The following CNTN6 variants were observed in gnomAD, a reference collection of about 807,000 sequenced individuals.
CNTN6 encodes contactin 6, also known as contactin-6.
Under a neutral mutation model 122.8 loss-of-function variants are expected in CNTN6, and 137 were observed. The observed-to-expected ratio is 1.12, with a 90% CI of 0.97 to 1.29. The LOEUF is 1.29. Among genes scored for constraint, CNTN6 ranks in the 50% most tolerant of loss-of-function variants. The pLI is 0.00. For synonymous variants in CNTN6, 570 were observed against 426.0 expected, an observed-to-expected ratio of 1.34 and a Z score of -4.16; for missense variants, 1,634 against 1,223.4, an observed-to-expected ratio of 1.34 and a Z score of -5.01.
chr3:1,266,049 G>T (rs920635892), intron 4 of CNTN6, among the ~76,000 whole-genome samples: 1 of 151,160 alleles, frequency 6.6e-6, no homozygotes, highest in African/African-American at 2.4e-5. Context: ...ACCTAAGTGC[G>T]TCACCCATAC....
chr3:1,156,880 G>C (rs1338302339), intron 2 of CNTN6, among the ~76,000 whole-genome samples: 2 of 151,970 alleles, frequency 1.3e-5, no homozygotes, highest in African/African-American at 2.4e-5. Context: ...ATCGTGCCTG[G>C]CTAATTTTTT....
chr3:1,301,188 C>T (rs1038500453), intron 7 of CNTN6, among the ~76,000 whole-genome samples: 6 of 151,950 alleles, frequency 3.9e-5, no homozygotes, highest in Non-Finnish European at 7.4e-5. Context: ...AGGCACCTGC[C>T]ACCACACCCA....
chr3:1,135,083 C>G (rs1482388389), intron 1 of CNTN6, among the ~76,000 whole-genome samples: 1 of 152,142 alleles, frequency 6.6e-6, no homozygotes, highest in East Asian at 1.9e-4. Flanking sequence ...ATAACCCACC[C>G]ACAACGAAGT....
At chr3:1,180,391 G>T (rs927740634) in intron 2 of CNTN6, among the ~76,000 whole-genome samples, 1 of 152,152 alleles carries the variant, frequency 6.6e-6, no homozygotes, top group Admixed American at 6.5e-5. Context: ...GACATAATTT[G>T]CTGAATGACA....
At chr3:1,276,909 A>C (rs1692472976) in intron 4 of CNTN6, among the ~76,000 whole-genome samples, 1 of 152,206 alleles carries the variant, frequency 6.6e-6, no homozygotes, top group Admixed American at 6.5e-5. Context: ...TTTTGCATTC[A>C]GCAAGTGGCT....
intron 2 of CNTN6, among the ~76,000 whole-genome samples, chr3:1,173,680 A>T (rs1386022110): frequency 1.7e-4 from 26 of 152,162 alleles, no homozygotes; most frequent in Admixed American, 1.7e-3. Context: ...GGCGGTTGAC[A>T]AAATGAATGC....
At chr3:1,370,287 G>T (rs1708828947) in intron 12 of CNTN6, among the ~76,000 whole-genome samples, 1 of 151,704 alleles carries the variant, frequency 6.6e-6, no homozygotes, top group Non-Finnish European at 1.5e-5. Flanking sequence ...CACAACGTGG[G>T]AATTGAACAA....
intron 4 of CNTN6, among the ~76,000 whole-genome samples, chr3:1,256,611 A>G (rs1301121583): frequency 6.6e-6 from 1 of 152,144 alleles, no homozygotes; most frequent in Non-Finnish European, 1.5e-5. Flanking sequence ...TGTTACTTGA[A>G]GCCTTGGGAG....
At chr3:1,286,427 T>C (rs1419405545) in intron 5 of CNTN6, among the ~76,000 whole-genome samples, 1 of 152,128 alleles carries the variant, frequency 6.6e-6, no homozygotes, top group Non-Finnish European at 1.5e-5. Flanking sequence ...AACTCTCACT[T>C]ATGAGTGAAA....
At chr3:1,327,607 C>A in intron 10 of CNTN6, 21 bp downstream of exon 10, 2 of 1,603,166 alleles carry the variant, frequency 1.2e-6, no homozygotes, top group South Asian at 1.1e-5. Context: ...TATTTACAAC[C>A]AACAAATTCA....
chr3:1,153,320 A>G (rs2092890077), intron 2 of CNTN6, among the ~76,000 whole-genome samples: 3 of 152,334 alleles, frequency 2.0e-5, no homozygotes, highest in South Asian at 4.1e-4. Flanking sequence ...TTATGCCAAC[A>G]GGGCCTAATG....
chr3:1,386,346 C>A (rs758224341), intron 20 of CNTN6, among the ~76,000 whole-genome samples: 2 of 152,100 alleles, frequency 1.3e-5, no homozygotes, highest in South Asian at 2.1e-4. Context: ...TTTTAGGATA[C>A]CTTATTACTA....
chr3:1,128,644 G>C (rs910405869), intron 1 of CNTN6, among the ~76,000 whole-genome samples: 1 of 151,948 alleles, frequency 6.6e-6, no homozygotes, highest in Non-Finnish European at 1.5e-5. Flanking sequence ...AGCTGTGCTG[G>C]TTTTAGAGAA....
At chr3:1,217,991 G>A (rs1306715173) in intron 2 of CNTN6, among the ~76,000 whole-genome samples, 1 of 152,114 alleles carries the variant, frequency 6.6e-6, no homozygotes, top group East Asian at 1.9e-4. Context: ...TAGCAATTTA[G>A]TCCAAATGCC....
chr3:1,274,101 C>T (rs1158607194), intron 4 of CNTN6, among the ~76,000 whole-genome samples: 2 of 152,032 alleles, frequency 1.3e-5, no homozygotes, highest in Non-Finnish European at 2.9e-5. Flanking sequence ...AAGAAAAAAA[C>T]CTTAAAATTG....
At position 1,296,497 on chromosome 3, in the gene CNTN6, T is replaced by A. The variant is rs544808348; in HGVS notation, c.658+693T>A. On this transcript the variant is annotated intron_variant, in intron 6 of 22. Transcript: ENST00000446702. ...TCTAGTTGTTTTTTTAATTAAATGT[T>A]CACAGTGGGATTCATACAGGTAGAA... Among the ~76,000 whole-genome samples the A allele has an allele frequency of 4.6e-5, 7 of 152,296 alleles. No homozygotes were observed. The South Asian group carries it at 1.4e-3, about 32-fold the overall frequency.
At chr3:1,279,951 T>G (rs577272641) in intron 5 of CNTN6, among the ~76,000 whole-genome samples, 65 of 152,348 alleles carry the variant, frequency 4.3e-4, no homozygotes, top group African/African-American at 1.5e-3. Context: ...TATATTGAGA[T>G]AAAATAATAT....
At chr3:1,390,590 A>G (rs1693973289) in intron 20 of CNTN6, among the ~76,000 whole-genome samples, 1 of 152,208 alleles carries the variant, frequency 6.6e-6, no homozygotes, top group African/African-American at 2.4e-5. Context: ...TAGAGACACA[A>G]AAAACCCTTA....
chr3:1,204,164 G>C (rs1211560301), intron 2 of CNTN6, among the ~76,000 whole-genome samples: 1 of 152,114 alleles, frequency 6.6e-6, no homozygotes, highest in African/African-American at 2.4e-5. Context: ...AGTATATATA[G>C]AGAGAGCCAA....
Sources: allele counts gnomAD v4.1 joint callset (sites outside exome capture counted in the v4.1 genomes callset), GRCh38; gene constraint gnomAD v4.1.1; transcripts MANE v1.5; gene names NCBI Gene and HGNC (gene_info 2026-07-23, HGNC 2026-07-21).